KAZN: variants seen among roughly 807,000 people sequenced by gnomAD.
The protein encoded by KAZN is kazrin.
In KAZN, 40 loss-of-function variants were observed where a neutral mutation model predicts 87.4. That is an observed-to-expected ratio of 0.46 (90% CI 0.36 to 0.60). The LOEUF (loss-of-function observed/expected upper bound fraction) is 0.60. Among genes scored for constraint, KAZN ranks in the 20% least tolerant of loss-of-function variants. The probability of loss-of-function intolerance (pLI) is 0.00; values close to 1 mark genes in which losing one functional copy is unlikely to be tolerated. For synonymous variants in KAZN, 466 were observed against 458.3 expected (o/e 1.02, Z -0.22); for missense variants, 898 against 1,073.9 (o/e 0.84, Z 2.29).
chr1:14,262,802 C>A (rs1651181171), intron 2 of KAZN, among the ~76,000 whole-genome samples: 1 of 152,184 alleles, frequency 6.6e-6, no homozygotes, highest in African/African-American at 2.4e-5. Flanking sequence ...GTCGTTGTTA[C>A]AAGAAGCCAT....
At chr1:14,801,554 A>G (rs1646022839) in intron 1 of KAZN, among the ~76,000 whole-genome samples, 1 of 152,142 alleles carries the variant, frequency 6.6e-6, no homozygotes, top group Admixed American at 6.5e-5. Flanking sequence ...CTCCCCAGAT[A>G]GTGGCCGTTT....
At chr1:15,030,241 G>A (rs1157310222) in intron 2 of KAZN, among the ~76,000 whole-genome samples, 3 of 152,134 alleles carry the variant, frequency 2.0e-5, no homozygotes, top group Admixed American at 2.0e-4. Flanking sequence ...TGACCGGGAT[G>A]CATCTTTATT....
At chr1:14,203,849 T>A (rs369686606) in intron 2 of KAZN, among the ~76,000 whole-genome samples, 1 of 152,308 alleles carries the variant, frequency 6.6e-6, no homozygotes, top group South Asian at 2.1e-4. Context: ...GTCCCAAATG[T>A]TCATAGCAAC....
chr1:14,134,951 A>C (rs1275828864), intron 1 of KAZN, among the ~76,000 whole-genome samples: 1 of 148,814 alleles, frequency 6.7e-6, no homozygotes, highest in Non-Finnish European at 1.5e-5. Flanking sequence ...TCTCACAAGC[A>C]TGCATGCATA....
chr1:14,779,369 C>T (rs910928586), intron 1 of KAZN, among the ~76,000 whole-genome samples: 3 of 152,344 alleles, frequency 2.0e-5, no homozygotes, highest in Admixed American at 6.5e-5. Context: ...TTTCTGGAGC[C>T]TGCAGGCTCC....
At chr1:14,374,354 C>T (rs6429655) in intron 2 of KAZN, among the ~76,000 whole-genome samples, 43,568 of 151,998 alleles carry the variant, frequency 0.29, 7,218 homozygotes, top group Non-Finnish European at 0.38. Context: ...GCTGAATGAA[C>T]GAATGTTTGG....
intron 1 of KAZN, among the ~76,000 whole-genome samples, chr1:14,829,042 G>A (rs895454010): frequency 6.6e-6 from 1 of 152,212 alleles, no homozygotes; most frequent in Admixed American, 6.5e-5. Flanking sequence ...ATCCTGGGTG[G>A]CTTAAGCCAT....
chr1:14,202,892 C>G (rs1369861510), intron 2 of KAZN, among the ~76,000 whole-genome samples: 1 of 151,926 alleles, frequency 6.6e-6, no homozygotes, highest in African/African-American at 2.4e-5. Flanking sequence ...GTCGTGGGCG[C>G]CTGTAATCCC....
intron 2 of KAZN, among the ~76,000 whole-genome samples, chr1:14,546,033 T>C (rs750737691): frequency 6.6e-6 from 1 of 152,192 alleles, no homozygotes; most frequent in Non-Finnish European, 1.5e-5. Context: ...AGCTACTTGA[T>C]ATCATGATGG....
Position 14,781,287 on chromosome 1 carries a change from G to A in KAZN, c.227-179397G>A, listed in dbSNP as rs908328473. Among the ~76,000 whole-genome samples, 11 of 152,232 alleles carry A rather than the reference G, an allele frequency of 7.2e-5. No homozygotes were observed. In the East Asian group the frequency reaches 7.7e-4, roughly 11 times the overall value. On this transcript the variant is annotated intron_variant, in intron 1 of 14. Coordinates refer to ENST00000376030, the MANE Select transcript of KAZN (RefSeq NM_201628.3). ...CAGTGAGCCGAGATCGCGCCACTGC[G>A]CTCCAACCTGGGCAACAGAGAAAGA...
intron 2 of KAZN, among the ~76,000 whole-genome samples, chr1:14,501,150 C>A (rs1023458603): frequency 1.3e-5 from 2 of 151,234 alleles, no homozygotes; most frequent in African/African-American, 4.8e-5. Context: ...TAAAAGCCCA[C>A]AATTAACATG....
At chr1:14,813,999 A>G (rs1331519813) in intron 1 of KAZN, among the ~76,000 whole-genome samples, 2 of 152,196 alleles carry the variant, frequency 1.3e-5, no homozygotes, top group East Asian at 3.9e-4. Flanking sequence ...ACTGGGGGCC[A>G]GGGTATCACC....
At chr1:14,570,296 A>G (rs904917615) in intron 2 of KAZN, among the ~76,000 whole-genome samples, 6 of 149,614 alleles carry the variant, frequency 4.0e-5, no homozygotes, top group African/African-American at 1.5e-4. Context: ...CAAGTGTACA[A>G]TTTCATTTTA....
chr1:13,994,292 G>A (rs1284356528), intron 1 of KAZN, among the ~76,000 whole-genome samples: 1 of 152,194 alleles, frequency 6.6e-6, no homozygotes, highest in Admixed American at 6.5e-5. Flanking sequence ...ATACCAACTG[G>A]CTTTTATGTT....
rs1275164342 is a variant in KAZN at position 14,907,373 on chromosome 1, G to A, written c.227-53311G>A. Among the ~76,000 whole-genome samples the A allele has an allele frequency of 2.7e-5, 4 of 149,528 alleles. No homozygotes were observed. The East Asian group carries it at 7.9e-4, about 30-fold the overall frequency. ...GCTGCGATTGCACCACTGCACTCCA[G>A]CCTGAGCAACAGAGTGAGACCCTGT... On this transcript the variant is annotated intron_variant, in intron 1 of 14. Coordinates refer to ENST00000376030, the MANE Select transcript of KAZN (RefSeq NM_201628.3).
intron 1 of KAZN, among the ~76,000 whole-genome samples, chr1:14,942,845 G>T (rs915165737): frequency 6.6e-6 from 1 of 152,144 alleles, no homozygotes; most frequent in African/African-American, 2.4e-5. Flanking sequence ...CTGTACAAGA[G>T]ATTTCCTTGT....
rs139415329 is a variant in KAZN, at chr1:14,352,655, C to T, written c.249+172063C>T. ...CAACCTATTTTTACATTCTTAGTCA[C>T]GTGAGAGAAAAAAAGGCAAGCACAA... On this transcript the variant is annotated intron_variant, in intron 2 of 16. Coordinates refer to the KAZN transcript ENST00000636203. Among the ~76,000 whole-genome samples the T allele has an allele frequency of 6.1e-3, 922 of 152,134 alleles. 10 individuals carry two copies. The highest frequency in any genetic ancestry group is 0.021 in the African/African-American group (865 of 41,488).
chr1:14,223,013 A>G (rs1218299777), intron 2 of KAZN: 2 of 152,314 alleles, frequency 1.3e-5, no homozygotes, highest in Non-Finnish European at 2.9e-5. Context: ...ATAAAAATAT[A>G]AAGAGAACTC....
At chr1:14,880,516 G>A (rs1264029440) in intron 1 of KAZN, among the ~76,000 whole-genome samples, 1 of 152,170 alleles carries the variant, frequency 6.6e-6, no homozygotes, top group African/African-American at 2.4e-5. Context: ...GGGATAGCTT[G>A]TTTCTGTTCC....
Sources: gnomAD v4.1 joint callset for allele counts (sites outside exome capture counted in the v4.1 genomes callset) on GRCh38, gnomAD v4.1.1 for gene constraint, MANE v1.5 for transcripts, NCBI Gene and HGNC (gene_info 2026-07-23, HGNC 2026-07-21) for gene names.